Variants in DCLK1 observed in about 807,000 individuals in gnomAD.
The protein encoded by DCLK1 is serine/threonine-protein kinase DCLK1.
DCLK1 carries 16 observed loss-of-function variants against 86.2 expected under a neutral mutation model. That is an observed-to-expected ratio of 0.19 (90% CI 0.13 to 0.28). The LOEUF is 0.28. DCLK1 is among the 10% of genes least tolerant of loss of function. The probability of loss-of-function intolerance (pLI) is 1.00; values close to 1 mark genes in which losing one functional copy is unlikely to be tolerated. For missense variants in DCLK1, 590 were observed against 940.2 expected (o/e 0.63, Z 4.87); for synonymous variants, 369 against 370.5 (o/e 1.00, Z 0.05).
At chr13:35,820,120 T>C (rs1005610101) in intron 11 of DCLK1, among the ~76,000 whole-genome samples, 3 of 152,258 alleles carry the variant, frequency 2.0e-5, no homozygotes, top group African/African-American at 7.2e-5. Flanking sequence ...AGTGGTCTCA[T>C]GTGCAATTAG....
At position 35,769,405 on chromosome 13, in the gene DCLK1, C is replaced by T. The variant is rs1477418109; in HGVS notation, c.*5130G>A. 1 of 152,120 alleles carries T rather than the reference C, an allele frequency of 6.6e-6. No homozygotes were observed. Among genetic ancestry groups the T allele is most frequent in the Non-Finnish European group, 1.5e-5 (1 of 68,018 alleles). The allele number at this position is 152,120 out of a possible 1,614,324, so 9.4% of individuals were successfully genotyped here. On this transcript the variant is annotated 3_prime_UTR_variant, in exon 17 of 17. Transcript: ENST00000360631. ...TGTTGAATTTCACACTCAACTAATC[C>T]TTTAATAATTTTCTTTCAGCCAGAA... is the stretch of plus-strand genomic sequence containing the variant.
At chr13:35,844,031 T>C (rs1185150633) in intron 6 of DCLK1, among the ~76,000 whole-genome samples, 2 of 152,154 alleles carry the variant, frequency 1.3e-5, no homozygotes, top group Non-Finnish European at 2.9e-5. Context: ...CAACTGGGTA[T>C]AGAACAATAA....
chr13:35,899,052 T>C (rs11840149), intron 4 of DCLK1, among the ~76,000 whole-genome samples: 13,636 of 152,196 alleles, frequency 0.09, 750 homozygotes, highest in African/African-American at 0.15. Flanking sequence ...GTGTTTTGAT[T>C]CCTTAAGTGA....
chr13:35,774,339 C>T lies in DCLK1; in HGVS notation c.*196G>A. 3 of 731,298 alleles carry T rather than the reference C, an allele frequency of 4.1e-6. No homozygotes were observed. The highest frequency in any genetic ancestry group is 2.3e-5 in the South Asian group (1 of 44,224). The allele number at this position is 731,298 out of a possible 1,614,324, so 45.3% of individuals were successfully genotyped here. A position where few individuals can be genotyped will look rare whatever the true frequency, so the allele number is the denominator to read the frequency against. ...TGAGGACTCTATTAGCAGCAAATTA[C>T]CATCTTCACAATCACCACGTGTCAT... On this transcript the variant is annotated 3_prime_UTR_variant, in exon 17 of 17. Coordinates refer to ENST00000360631, the MANE Select transcript of DCLK1 (RefSeq NM_001330071.2).
chr13:35,811,695 G>A (rs904090765), intron 11 of DCLK1, among the ~76,000 whole-genome samples: 9 of 152,004 alleles, frequency 5.9e-5, no homozygotes, highest in East Asian at 1.9e-4. Flanking sequence ...GTAGCTGGGC[G>A]TGGTGGCGGG....
chr13:36,107,127 G>C (rs1177285982), intron 3 of DCLK1, among the ~76,000 whole-genome samples: 1 of 151,980 alleles, frequency 6.6e-6, no homozygotes, highest in Non-Finnish European at 1.5e-5. Context: ...GAGGATTCAT[G>C]ATCAAAAGAT....
intron 6 of DCLK1, chr13:35,847,866 A>T: frequency 1.0e-6 from 1 of 985,304 alleles, no homozygotes; most frequent in Non-Finnish European, 1.2e-6. Context: ...ATTCTATGGC[A>T]GTACAGAAAC....
chr13:36,078,456 A>G (rs554617954), intron 3 of DCLK1, among the ~76,000 whole-genome samples: 2 of 152,220 alleles, frequency 1.3e-5, no homozygotes, highest in South Asian at 4.1e-4. Flanking sequence ...TGTTATCTGT[A>G]GCAGTTGGGT....
intron 11 of DCLK1, among the ~76,000 whole-genome samples, chr13:35,817,813 T>A (rs922988442): frequency 6.6e-6 from 1 of 152,166 alleles, no homozygotes; most frequent in Admixed American, 6.5e-5. Flanking sequence ...AGACTCACAC[T>A]GAACGAACAG....
At chr13:35,882,029 A>G (rs778135355) in intron 4 of DCLK1, among the ~76,000 whole-genome samples, 1 of 152,206 alleles carries the variant, frequency 6.6e-6, no homozygotes, top group Non-Finnish European at 1.5e-5. Context: ...ACAAATTACA[A>G]CAAACTTCAT....
At chr13:36,083,091 T>G (rs895811413) in intron 3 of DCLK1, among the ~76,000 whole-genome samples, 2 of 151,276 alleles carry the variant, frequency 1.3e-5, no homozygotes, top group African/African-American at 4.8e-5. Context: ...GATTCCAAAC[T>G]GCTATTTAAA....
chr13:35,828,176 G>T (rs940123226), intron 9 of DCLK1, 74 bp downstream of exon 9: 10 of 1,257,148 alleles, frequency 8.0e-6, no homozygotes, highest in Admixed American at 5.2e-5. Context: ...ACTTGTATTT[G>T]TTTGGGAGTG....
intron 6 of DCLK1, chr13:35,850,503 A>T (rs1319210833): frequency 1.7e-6 from 2 of 1,211,786 alleles, no homozygotes; most frequent in African/African-American, 3.1e-5. Context: ...AACTCTCCCC[A>T]ATCAAATCCA....
chr13:35,858,292 C>T (rs554262039), intron 5 of DCLK1, among the ~76,000 whole-genome samples: 3 of 152,206 alleles, frequency 2.0e-5, no homozygotes, highest in African/African-American at 7.2e-5. Flanking sequence ...AATTGATTGG[C>T]TGTAGAAGAT....
chr13:35,851,995 A>ATATGTGTG (rs1555344391), intron 6 of DCLK1, among the ~76,000 whole-genome samples: 200 of 143,626 alleles, frequency 1.4e-3, no homozygotes, highest in African/African-American at 4.7e-3. Flanking sequence ...ATGTGTGTGT[A>ATATGTGTG]TGTGTGTGTG....
At chr13:35,848,128 A>G in intron 6 of DCLK1, 1 of 985,348 alleles carries the variant, frequency 1.0e-6, no homozygotes, top group Non-Finnish European at 1.2e-6. Context: ...TTCAGAGCGC[A>G]TTTAAGGATT....
intron 3 of DCLK1, among the ~76,000 whole-genome samples, chr13:36,026,606 C>A (rs907258263): frequency 6.6e-6 from 1 of 152,116 alleles, no homozygotes; most frequent in African/African-American, 2.4e-5. Flanking sequence ...ATGGAATCGA[C>A]AAAAAATGTA....
intron 4 of DCLK1, among the ~76,000 whole-genome samples, chr13:35,943,326 G>T (rs1877190124): frequency 6.6e-6 from 1 of 152,148 alleles, no homozygotes; most frequent in African/African-American, 2.4e-5. Flanking sequence ...GCACAGCCCT[G>T]CCAGTACCTT....
intron 10 of DCLK1, among the ~76,000 whole-genome samples, chr13:35,824,471 C>G (rs2087474272): frequency 6.6e-6 from 1 of 152,146 alleles, no homozygotes; most frequent in South Asian, 2.1e-4. Context: ...TGAGCCACTG[C>G]GTCTGGCTCC....
Sources: gnomAD v4.1 joint callset for allele counts (sites outside exome capture counted in the v4.1 genomes callset) on GRCh38, gnomAD v4.1.1 for gene constraint, MANE v1.5 for transcripts, NCBI Gene and HGNC (gene_info 2026-07-23, HGNC 2026-07-21) for gene names.